Variants in APOD observed in about 807,000 individuals in gnomAD.
APOD encodes apolipoprotein D.
A neutral mutation model predicts 20.4 loss-of-function variants in APOD; 22 were observed. That is an observed-to-expected ratio of 1.08 (90% confidence interval 0.77 to 1.54). APOD has a LOEUF of 1.54. APOD is among the 40% of genes most tolerant of loss of function. The pLI is 0.00. For missense variants in APOD, 223 were observed against 229.6 expected (o/e 0.97, Z 0.19); for synonymous variants, 97 against 92.4 (o/e 1.05, Z -0.29).
chr3:195,583,306 C>T (rs1420375743), intron 1 of APOD: 1 of 152,176 alleles, frequency 6.6e-6, no homozygotes, highest in Non-Finnish European at 1.5e-5. Context: ...AGCCCCTGAC[C>T]TCAAAGATCT....
Position 195,571,133 on chromosome 3 carries a change from T to C in APOD, c.334+144A>G, listed in dbSNP as rs527701121. 5.3e-5 allele frequency: 40 copies of C among 761,618 alleles called. No homozygotes were observed. In the Admixed American group the frequency reaches 7.7e-4, roughly 15 times the overall value. The allele number at this position is 761,618 out of a possible 1,614,324, so 47.2% of individuals were successfully genotyped here. ...ATCATGGCAACCCTAGTGCGTGACATGTAGTAAGTGTTTGACAGATAATTA... is the reference window on the plus strand; with the variant it reads ...ATCATGGCAACCCTAGTGCGTGACACGTAGTAAGTGTTTGACAGATAATTA... On this transcript the variant is annotated intron_variant, in intron 4 of 4. Coordinates refer to ENST00000343267, the MANE Select transcript of APOD (RefSeq NM_001647.4).
At chr3:195,582,935 A>G (rs1050165140) in intron 1 of APOD, 9 of 150,630 alleles carry the variant, frequency 6.0e-5, no homozygotes, top group African/African-American at 2.2e-4. Flanking sequence ...TCCGTCTCAA[A>G]AAAAAAAAAA....
At position 195,568,833 on chromosome 3, in the gene APOD, G is replaced by GCC; in HGVS notation, c.*66_*67insGG. The stretch of plus-strand genomic sequence containing the variant: ...CGTGGTTGATTGGTTTGTCTTTATG[G>GCC]GGGGGGGGTAGGGGAAAGCGAAGCA... On this transcript the variant is annotated 3_prime_UTR_variant, in exon 5 of 5. Transcript: ENST00000343267. 9.6e-7 allele frequency: 1 copy of GCC among 1,041,148 alleles called. No homozygotes were observed. The highest frequency in any genetic ancestry group is 1.9e-5 in the Admixed American group (1 of 52,688). The allele number at this position is 1,041,148 out of a possible 1,614,324, so 64.5% of individuals were successfully genotyped here.
At chr3:195,572,981 T>C (rs1720191754) in intron 3 of APOD, among the ~76,000 whole-genome samples, 2 of 152,224 alleles carry the variant, frequency 1.3e-5, no homozygotes, top group South Asian at 2.1e-4. Context: ...TCCCAAGTAC[T>C]TTCTCTGTTT....
At chr3:195,571,021 C>A in intron 4 of APOD, 1 of 522,844 alleles carries the variant, frequency 1.9e-6, no homozygotes, top group Non-Finnish European at 3.5e-6. Flanking sequence ...GAAACGCTAG[C>A]TAGTTATAGT....
At position 195,578,412 on chromosome 3, in the gene APOD, G is replaced by A. The variant is rs545214781; in HGVS notation, c.123+927C>T. Among the ~76,000 whole-genome samples, 13 of 152,236 alleles carry A rather than the reference G, an allele frequency of 8.5e-5. No homozygotes were observed. In the South Asian group the frequency reaches 2.7e-3, roughly 32 times the overall value. On this transcript the variant is annotated intron_variant, in intron 2 of 4. Transcript: ENST00000343267. ...CACTCATTCACCTTGAGGTGCGAGT[G>A]TATGATAACAACTTCGATGTTACTG...
chr3:195,570,185 C>G (rs1720136316), intron 4 of APOD, among the ~76,000 whole-genome samples: 1 of 152,172 alleles, frequency 6.6e-6, no homozygotes, highest in Admixed American at 6.5e-5. Flanking sequence ...CAATCCCCGT[C>G]CCTGATCCCT....
chr3:195,571,617 T>C (rs1273754023), intron 3 of APOD, among the ~76,000 whole-genome samples: 1 of 152,080 alleles, frequency 6.6e-6, no homozygotes, highest in Non-Finnish European at 1.5e-5. Context: ...AAGCCGCAAT[T>C]GACAAGCTCC....
intron 4 of APOD, among the ~76,000 whole-genome samples, chr3:195,569,371 CCAGAGAGAGAGA>C (rs1720119288): frequency 6.6e-6 from 1 of 152,026 alleles, no homozygotes; most frequent in African/African-American, 2.4e-5. Context: ...CCTCACTCAC[CCAGAGAGAGAGA>C]CAGAGAGAGA....
intron 1 of APOD, among the ~76,000 whole-genome samples, chr3:195,581,961 G>A (rs1389034280): frequency 6.6e-6 from 1 of 151,236 alleles, no homozygotes; most frequent in East Asian, 1.9e-4. Context: ...CTGAGGTTGG[G>A]AGTTCAAGAC....
At chr3:195,579,200 GC>G in intron 2 of APOD, 138 bp downstream of exon 2, 1 of 1,369,284 alleles carries the variant, frequency 7.3e-7, no homozygotes, top group Non-Finnish European at 1.0e-6. Flanking sequence ...GCAGATGTCT[GC>G]TTTGGGGAAA....
chr3:195,571,127 G>A lies in APOD; in HGVS notation c.334+150C>T, dbSNP rs141585823. On this transcript the variant is annotated intron_variant, in intron 4 of 4. Coordinates refer to ENST00000343267, the MANE Select transcript of APOD (RefSeq NM_001647.4). ...CGGCTCATCATGGCAACCCTAGTGC[G>A]TGACATGTAGTAAGTGTTTGACAGA... is the stretch of plus-strand genomic sequence containing the variant. The A allele has an allele frequency of 2.1e-4, 153 of 735,728 alleles. No homozygotes were observed. In the African/African-American group the frequency reaches 2.1e-3, roughly 10 times the overall value. 45.6% of individuals were successfully genotyped at this position (735,728 alleles called of 1,614,324 possible).
chr3:195,580,670 G>T (rs1248383321), intron 1 of APOD, among the ~76,000 whole-genome samples: 5 of 152,206 alleles, frequency 3.3e-5, no homozygotes, highest in African/African-American at 1.2e-4. Flanking sequence ...CTCCCAAAGT[G>T]CTGGGATTAC....
chr3:195,582,377 T>G lies in APOD; in HGVS notation c.-35+1501A>C, dbSNP rs1004583548. ...TATATACGACATATATTTTTGCATCTTCTTCTGATATCAATAGGAAGATTG... is the reference window on the plus strand; with the variant it reads ...TATATACGACATATATTTTTGCATCGTCTTCTGATATCAATAGGAAGATTG... On this transcript the variant is annotated intron_variant, in intron 1 of 4. Coordinates refer to ENST00000343267, the MANE Select transcript of APOD (RefSeq NM_001647.4). Among the ~76,000 whole-genome samples, 4 of 152,128 alleles carry G rather than the reference T, an allele frequency of 2.6e-5. No individual in the cohort carries two copies. In the East Asian group the frequency reaches 7.7e-4, roughly 29 times the overall value.
chr3:195,582,081 G>A (rs550801410), intron 1 of APOD, among the ~76,000 whole-genome samples: 1 of 152,276 alleles, frequency 6.6e-6, no homozygotes, highest in East Asian at 1.9e-4. Flanking sequence ...ATGCATGCCT[G>A]TAATCGGGAG....
At chr3:195,571,507 A>G (rs113979753) in intron 3 of APOD, 142 bp from the exon 4 acceptor site, 14 of 692,784 alleles carry the variant, frequency 2.0e-5, no homozygotes, top group African/African-American at 1.4e-4. Flanking sequence ...CTGGTAAGAG[A>G]GGCTCTCAAA....
In APOD at chr3:195,573,981, C is replaced by A. The variant is rs369999955; in HGVS notation, c.124-10G>T. On this transcript the variant is annotated splice_polypyrimidine_tract_variant and intron_variant, in intron 2 of 4. Transcript: ENST00000343267. Reference sequence around the variant, plus strand: ...ACCATCTTCCGAGATACTGCAGAGACAACAAGCAGAGCAAAACCCTGTGGT... The same window carrying A: ...ACCATCTTCCGAGATACTGCAGAGAAAACAAGCAGAGCAAAACCCTGTGGT... 7.9e-5 allele frequency: 128 copies of A among 1,613,470 alleles called. No individual in the cohort carries two copies. The highest frequency in any genetic ancestry group is 1.0e-4 in the Non-Finnish European group (118 of 1,179,714).
Position 195,568,862 on chromosome 3 carries a change from G to T in APOD, c.*38C>A. On this transcript the variant is annotated 3_prime_UTR_variant, in exon 5 of 5. Coordinates refer to ENST00000343267, the MANE Select transcript of APOD (RefSeq NM_001647.4). ...GGGGGTAGGGGAAAGCGAAGCAGAA[G>T]TAACATGGAGTGGGTGCAGCCTCCC... 5 of 1,450,280 alleles carry T rather than the reference G, an allele frequency of 3.4e-6. No individual in the cohort carries two copies. Among genetic ancestry groups the T allele is most frequent in the Non-Finnish European group, 4.8e-6 (5 of 1,033,216 alleles). 89.8% of individuals were successfully genotyped at this position (1,450,280 alleles called of 1,614,324 possible). A position where few individuals can be genotyped will look rare whatever the true frequency, so the allele number is the denominator to read the frequency against.
In APOD at chr3:195,576,687, G is replaced by A. The variant is rs182464914; in HGVS notation, c.123+2652C>T. On this transcript the variant is annotated intron_variant, in intron 2 of 4. Coordinates refer to ENST00000343267, the MANE Select transcript of APOD (RefSeq NM_001647.4). ...TAGCCGGGCATGGTGGCACGCAACT[G>A]TAATACCAGCTACTCGGGAGGCTGA... Among the ~76,000 whole-genome samples, 140 of 151,792 alleles carry A rather than the reference G, an allele frequency of 9.2e-4. 1 individual carries two copies. The highest frequency in any genetic ancestry group is 1.4e-3 in the Non-Finnish European group (93 of 67,926).
Sources: gnomAD v4.1 joint callset for allele counts (sites outside exome capture counted in the v4.1 genomes callset) on GRCh38, gnomAD v4.1.1 for gene constraint, MANE v1.5 for transcripts, NCBI Gene and HGNC (gene_info 2026-07-23, HGNC 2026-07-21) for gene names.